Variants in ITCH observed in about 807,000 individuals in gnomAD.
ITCH encodes E3 ubiquitin-protein ligase Itchy homolog.
In ITCH, 28 loss-of-function variants were observed where a neutral mutation model predicts 126.8. That is an observed-to-expected ratio of 0.22 (90% CI 0.16 to 0.30). The LOEUF (loss-of-function observed/expected upper bound fraction) is 0.30. Ranked by LOEUF, ITCH falls within the 10% of genes least tolerant of loss-of-function variation. The probability of loss-of-function intolerance (pLI) is 1.00; values close to 1 mark genes in which losing one functional copy is unlikely to be tolerated. For missense variants in ITCH, 631 were observed against 1,032.4 expected, an observed-to-expected ratio of 0.61 and a Z score of 5.33; for synonymous variants, 342 against 340.0, an observed-to-expected ratio of 1.01 and a Z score of -0.06.
At chr20:34,426,718 T>C (rs1380993319) in intron 7 of ITCH, among the ~76,000 whole-genome samples, 1 of 152,020 alleles carries the variant, frequency 6.6e-6, no homozygotes, top group Non-Finnish European at 1.5e-5. Context: ...CCCAAAGTGC[T>C]GGGATTATAG....
At chr20:34,491,621 CTT>C (rs553100363) in intron 22 of ITCH, among the ~76,000 whole-genome samples, 13 of 152,096 alleles carry the variant, frequency 8.5e-5, no homozygotes, top group African/African-American at 1.7e-4. Context: ...ATATGAGAAA[CTT>C]AAACTGAGCT....
At chr20:34,429,237 G>C (rs546670945) in intron 7 of ITCH, among the ~76,000 whole-genome samples, 1 of 152,280 alleles carries the variant, frequency 6.6e-6, no homozygotes, top group African/African-American at 2.4e-5. Flanking sequence ...ACCATGCCCA[G>C]CCAGCTAATT....
intron 23 of ITCH, among the ~76,000 whole-genome samples, chr20:34,502,222 G>A (rs1990295787): frequency 6.6e-6 from 1 of 151,968 alleles, no homozygotes; most frequent in South Asian, 2.1e-4. Flanking sequence ...TTCCATCTAT[G>A]TAGTTAAATA....
At chr20:34,379,585 A>G (rs941285309) in intron 2 of ITCH, among the ~76,000 whole-genome samples, 2 of 149,922 alleles carry the variant, frequency 1.3e-5, no homozygotes, top group African/African-American at 4.9e-5. Context: ...GAGTCATACA[A>G]TATTTGTCCT....
At chr20:34,444,251 G>A (rs561299084) in intron 10 of ITCH, among the ~76,000 whole-genome samples, 2 of 152,220 alleles carry the variant, frequency 1.3e-5, no homozygotes, top group East Asian at 3.9e-4. Context: ...TAGAACATTT[G>A]TATCAATGTT....
chr20:34,449,106 A>G (rs1043444566), intron 11 of ITCH, among the ~76,000 whole-genome samples: 3 of 152,086 alleles, frequency 2.0e-5, no homozygotes, highest in Admixed American at 2.0e-4. Flanking sequence ...ATATTTTTCT[A>G]ATTTTTATAT....
intron 2 of ITCH, among the ~76,000 whole-genome samples, chr20:34,380,182 C>T (rs1367182766): frequency 6.6e-6 from 1 of 152,044 alleles, no homozygotes; most frequent in African/African-American, 2.4e-5. Context: ...AATATTTGTC[C>T]TTTTGTGTCT....
intron 16 of ITCH, among the ~76,000 whole-genome samples, chr20:34,473,701 G>C (rs1987862241): frequency 6.6e-6 from 1 of 152,230 alleles, no homozygotes; most frequent in South Asian, 2.1e-4. Context: ...TTCTTTGATA[G>C]TGTTATGTCT....
chr20:34,413,261 T>C (rs570618868), intron 5 of ITCH, among the ~76,000 whole-genome samples: 1 of 152,336 alleles, frequency 6.6e-6, no homozygotes, highest in South Asian at 2.1e-4. Flanking sequence ...TTATATAATG[T>C]AGAAATATGT....
intron 7 of ITCH, among the ~76,000 whole-genome samples, chr20:34,436,455 A>G (rs979444002): frequency 6.6e-6 from 1 of 152,240 alleles, no homozygotes; most frequent in African/African-American, 2.4e-5. Flanking sequence ...GAGAGGCAAT[A>G]CGCAGTCTTA....
At chr20:34,371,416 C>T (rs73255042) in intron 2 of ITCH, among the ~76,000 whole-genome samples, 3,609 of 150,188 alleles carry the variant, frequency 0.024, 157 homozygotes, top group African/African-American at 0.084. Flanking sequence ...AGCTGGGACT[C>T]GGGAGGCCAG....
chr20:34,425,822 T>C (rs1000621007), intron 7 of ITCH, among the ~76,000 whole-genome samples: 1 of 152,238 alleles, frequency 6.6e-6, no homozygotes, highest in Non-Finnish European at 1.5e-5. Context: ...CAATAAATAC[T>C]AAGGGAAATC....
chr20:34,484,351 C>G (rs1988964696), intron 20 of ITCH, among the ~76,000 whole-genome samples: 1 of 152,170 alleles, frequency 6.6e-6, no homozygotes, highest in Admixed American at 6.5e-5. Context: ...CCTGGTTTTT[C>G]CCTCCATAAT....
intron 16 of ITCH, among the ~76,000 whole-genome samples, chr20:34,475,461 C>T (rs981079250): frequency 2.0e-5 from 3 of 152,150 alleles, no homozygotes; most frequent in Non-Finnish European, 4.4e-5. Flanking sequence ...GAGACCGGCC[C>T]GGCCAACACA....
chr20:34,463,401 A>G (rs1472787666), intron 14 of ITCH, among the ~76,000 whole-genome samples: 1 of 152,160 alleles, frequency 6.6e-6, no homozygotes, highest in Non-Finnish European at 1.5e-5. Context: ...TTGAGTTCCT[A>G]CTTCGATGAC....
At chr20:34,425,480 G>C (rs1408679151) in intron 7 of ITCH, among the ~76,000 whole-genome samples, 1 of 152,160 alleles carries the variant, frequency 6.6e-6, no homozygotes, top group Non-Finnish European at 1.5e-5. Flanking sequence ...TGAGATAAGA[G>C]GAAGGTTTCT....
At position 34,504,368 on chromosome 20, in the gene ITCH, T is replaced by C. The variant is rs1288601518; in HGVS notation, c.2454T>C (p.Val818=). The C allele has an allele frequency of 1.9e-5, 31 of 1,613,510 alleles. No individual in the cohort carries two copies. Among genetic ancestry groups the C allele is most frequent in the Non-Finnish European group, 2.5e-5 (30 of 1,179,556 alleles). ...NGPQKFCIEK[V]GKENWLPRSH... ...CACAGAAATTCTGCATTGAAAAAGT[T>C]GGGAAAGAAAATTGGCTACCCAGAA... Residue 818 remains valine, a synonymous_variant, in exon 24 of 25, where the codon GTT becomes GTC. Transcript: ENST00000374864.
chr20:34,452,164 A>G (rs1043068863), intron 12 of ITCH, among the ~76,000 whole-genome samples: 2 of 151,790 alleles, frequency 1.3e-5, no homozygotes, highest in Non-Finnish European at 2.9e-5. Context: ...TCTCTAGGGC[A>G]GGTGTAGAAA....
rs536037110 is a variant in ITCH, at chr20:34,445,425, A to G, written c.1104A>G (p.Gly368=). ...AGCTACAGCGTAGTCAGCTTCAAGGAGCAATGCAGCAGTTTAACCAGAGAT... is the reference window on the plus strand; with the variant it reads ...AGCTACAGCGTAGTCAGCTTCAAGGGGCAATGCAGCAGTTTAACCAGAGAT... The part of the protein sequence containing the change: ...QWQLQRSQLQ[G]AMQQFNQRFI... Residue 368 remains glycine (G), a synonymous_variant, in exon 11 of 25, where the codon GGA becomes GGG. Transcript: ENST00000374864. The G allele has an allele frequency of 6.2e-7, 1 of 1,614,200 alleles. No individual in the cohort carries two copies. Among genetic ancestry groups the G allele is most frequent in the South Asian group, 1.1e-5 (1 of 91,082 alleles).
Sources: gnomAD v4.1 joint callset for allele counts (sites outside exome capture counted in the v4.1 genomes callset) on GRCh38, gnomAD v4.1.1 for gene constraint, MANE v1.5 for transcripts, NCBI Gene and HGNC (gene_info 2026-07-23, HGNC 2026-07-21) for gene names.